Variants in CYP3A43 observed in about 807,000 individuals in gnomAD.
The protein encoded by CYP3A43 is cytochrome P450 3A43.
CYP3A43 carries 45 observed loss-of-function variants against 58.0 expected under a neutral mutation model. The observed-to-expected ratio is 0.78, with a 90% CI of 0.61 to 0.99. CYP3A43 has a LOEUF of 0.99. CYP3A43 is among the 50% of genes least tolerant of loss of function. CYP3A43 has a pLI of 0.00. For missense variants in CYP3A43, 593 were observed against 591.9 expected, an observed-to-expected ratio of 1.00 and a Z score of -0.02; for synonymous variants, 191 against 201.4, an observed-to-expected ratio of 0.95 and a Z score of 0.44.
chr7:99,856,911 C>G lies in CYP3A43; in HGVS notation c.865+12C>G, dbSNP rs1488563680. The G allele has an allele frequency of 1.9e-6, 3 of 1,612,552 alleles. No individual in the cohort carries two copies. The highest frequency in any genetic ancestry group is 1.3e-5 in the African/African-American group (1 of 74,926). The stretch of plus-strand genomic sequence containing the variant: ...AAAGTCCCATAAAGGTAACCAAGAA[C>G]TGCATCTGGGGGCTACTGATGGGGA... On this transcript the variant is annotated intron_variant, in intron 9 of 12. Coordinates refer to ENST00000354829, the MANE Select transcript of CYP3A43 (RefSeq NM_057095.3).
chr7:99,853,857 T>G (rs898970990), intron 7 of CYP3A43, among the ~76,000 whole-genome samples: 5 of 146,894 alleles, frequency 3.4e-5, no homozygotes, highest in Non-Finnish European at 5.9e-5. Context: ...CGCCCAGCCT[T>G]GAGCTTTATT....
At chr7:99,860,070 T>A in intron 10 of CYP3A43, 80 bp downstream of exon 10, 1 of 1,509,008 alleles carries the variant, frequency 6.6e-7, no homozygotes, top group South Asian at 1.3e-5. Flanking sequence ...GCCAGGACAA[T>A]TTTTGCAAAA....
Position 99,839,126 on chromosome 7 carries a change from T to C in CYP3A43, c.172T>C (p.Trp58Arg). 6.2e-7 allele frequency: 1 copy of C among 1,614,216 alleles called. No individual in the cohort carries two copies. Among genetic ancestry groups the C allele is most frequent in the Non-Finnish European group, 8.5e-7 (1 of 1,180,032 alleles). ...ATTTTGTTTCTTCTGCCAGGGTCTT[T>C]GGAATTTTGACAGAGAATGTAATGA... is the stretch of plus-strand genomic sequence containing the variant. ...GTILFYLRGL[W>R]NFDRECNEKY... Residue 58 changes from tryptophan (W) to arginine (R), a missense_variant, in exon 3 of 13, where the codon TGG (tryptophan) becomes CGG (arginine). By Grantham distance (101) the Trp-to-Arg change is moderately radical (BLOSUM62 -3). Coordinates refer to ENST00000354829, the MANE Select transcript of CYP3A43 (RefSeq NM_057095.3).
chr7:99,855,466 A>G, intron 7 of CYP3A43, 125 bp from the exon 8 acceptor site: 1 of 1,252,504 alleles, frequency 8.0e-7, no homozygotes, highest in Non-Finnish European at 1.1e-6. Flanking sequence ...CAAAGGTCAT[A>G]CAGGAAATGG....
chr7:99,829,335 A>G (rs1242262962), intron 1 of CYP3A43, among the ~76,000 whole-genome samples: 1 of 152,246 alleles, frequency 6.6e-6, no homozygotes, highest in Non-Finnish European at 1.5e-5. Flanking sequence ...ACCATGGCCC[A>G]TGACACAGCC....
chr7:99,855,459 A>G, intron 7 of CYP3A43, 132 bp from the exon 8 acceptor site: 1 of 1,190,792 alleles, frequency 8.4e-7, no homozygotes, highest in Non-Finnish European at 1.1e-6. Context: ...AGAGGGGCAA[A>G]GGTCATACAG....
intron 9 of CYP3A43, among the ~76,000 whole-genome samples, chr7:99,858,823 G>T (rs1182775778): frequency 6.6e-6 from 1 of 151,938 alleles, no homozygotes; most frequent in Non-Finnish European, 1.5e-5. Context: ...CTCCCGAGTA[G>T]CTGGGACTAC....
In CYP3A43 at chr7:99,865,969, CACTTAAGAGATGGGATT is replaced by C. The variant is rs1818432547; in HGVS notation, c.1483_1499del (p.Leu495LysfsTer22). 1 of 1,606,508 alleles carries C rather than the reference CACTTAAGAGATGGGATT, an allele frequency of 6.2e-7. No individual in the cohort carries two copies. The highest frequency in any genetic ancestry group is 2.2e-5 in the East Asian group (1 of 44,614). On this transcript the variant is annotated frameshift_variant, in exon 13 of 13. Transcript: ENST00000354829. LOFTEE classifies it low-confidence loss of function (END_TRUNC). ...AGAAAAACCTATTGTTCTAAAAGTG[CACTTAAGAGATGGGATT>C]ACAAGTGGACCCTGACTTTCCCTAA...
At chr7:99,839,520 G>T in intron 3 of CYP3A43, 1 of 481,224 alleles carries the variant, frequency 2.1e-6, no homozygotes, top group South Asian at 1.6e-5. Flanking sequence ...ACAACCCTGG[G>T]TAATAGCTTC....
At chr7:99,844,105 C>A in intron 3 of CYP3A43, 38 bp from the exon 4 acceptor site, 1 of 1,530,770 alleles carries the variant, frequency 6.5e-7, no homozygotes, top group Non-Finnish European at 8.9e-7. Flanking sequence ...CAGAATCAGG[C>A]AAGCGAGGTT....
chr7:99,849,791 CA>C, intron 7 of CYP3A43, 97 bp downstream of exon 7: 1 of 1,209,200 alleles, frequency 8.3e-7, no homozygotes, highest in Non-Finnish European at 1.1e-6. Context: ...CCATATAATT[CA>C]CCTACTTAAA....
At chr7:99,830,299 C>T (rs920802494) in intron 1 of CYP3A43, among the ~76,000 whole-genome samples, 1 of 152,108 alleles carries the variant, frequency 6.6e-6, no homozygotes. Flanking sequence ...GGGTGGATCA[C>T]GTGAGGTCAG....
At position 99,861,708 on chromosome 7, in the gene CYP3A43, G is replaced by C. The variant is rs201421130; in HGVS notation, c.1122G>C (p.Thr374=). The C allele has an allele frequency of 1.1e-4, 174 of 1,614,016 alleles. No individual in the cohort carries two copies. The highest frequency in any genetic ancestry group is 6.7e-5 in the Admixed American group (4 of 60,004). Residue 374 remains threonine, a synonymous_variant, in exon 11 of 13, where the codon ACG becomes ACC. Transcript: ENST00000354829. ...TATTCCCAGTTGTTAGTAGAGTTAC[G>C]AGAGTCTGCAAGAAAGATATTGAAA... ...LRLFPVVSRV[T]RVCKKDIEIN... is the part of the protein sequence containing the mutation.
At chr7:99,838,647 T>A (rs1817189801) in intron 2 of CYP3A43, 2 of 1,284,404 alleles carry the variant, frequency 1.6e-6, no homozygotes, top group African/African-American at 1.5e-5. Context: ...ATTTCAAATA[T>A]CTTCTGTATT....
At chr7:99,845,774 G>A (rs1584216417) in intron 4 of CYP3A43, among the ~76,000 whole-genome samples, 1 of 140,406 alleles carries the variant, frequency 7.1e-6, no homozygotes, top group Admixed American at 6.9e-5. Context: ...TTTAGTTCTT[G>A]TTTTTGCTTT....
intron 9 of CYP3A43, among the ~76,000 whole-genome samples, chr7:99,858,181 T>A (rs1286449260): frequency 2.6e-5 from 4 of 152,228 alleles, no homozygotes; most frequent in Non-Finnish European, 5.9e-5. Flanking sequence ...ATCTACACTT[T>A]GAGATTATGA....
chr7:99,835,724 C>T (rs1817046203), intron 1 of CYP3A43, among the ~76,000 whole-genome samples: 1 of 152,172 alleles, frequency 6.6e-6, no homozygotes, highest in African/African-American at 2.4e-5. Flanking sequence ...ATTCCTTACC[C>T]AGGTAGTGTG....
Position 99,861,554 on chromosome 7 carries a change from AC to A in CYP3A43, c.1027-58del, listed in dbSNP as rs1396965097. On this transcript the variant is annotated intron_variant, in intron 10 of 12. Transcript: ENST00000354829. ...CTAACACTTCAATAGTACTGCATGG[AC>A]TAAGTTGAAAGTTAATTCCCAATCT... is the stretch of plus-strand genomic sequence containing the variant. 4.1e-6 allele frequency: 6 copies of A among 1,464,862 alleles called. No individual in the cohort carries two copies. In the African/African-American group the frequency reaches 8.3e-5, roughly 20 times the overall value. The allele number at this position is 1,464,862 out of a possible 1,614,324, so 90.7% of individuals were successfully genotyped here. A position where few individuals can be genotyped will look rare whatever the true frequency, so the allele number is the denominator to read the frequency against.
intron 1 of CYP3A43, among the ~76,000 whole-genome samples, chr7:99,833,661 G>T (rs960955537): frequency 6.6e-6 from 1 of 152,136 alleles, no homozygotes; most frequent in Non-Finnish European, 1.5e-5. Context: ...TTTAATTCCT[G>T]TTCCATTGTC....
Sources: allele counts gnomAD v4.1 joint callset (sites outside exome capture counted in the v4.1 genomes callset), GRCh38; gene constraint gnomAD v4.1.1; transcripts MANE v1.5; gene names NCBI Gene and HGNC (gene_info 2026-07-23, HGNC 2026-07-21).